ARAP2: variants seen among roughly 807,000 people sequenced by gnomAD.
ARAP2 encodes ArfGAP with RhoGAP domain, ankyrin repeat and PH domain 2, also known as arf-GAP with Rho-GAP domain, ANK repeat and PH domain-containing protein 2.
Under a neutral mutation model 194.5 loss-of-function variants are expected in ARAP2, and 148 were observed. That is an observed-to-expected ratio of 0.76 (90% confidence interval 0.67 to 0.87). The LOEUF (loss-of-function observed/expected upper bound fraction) is 0.87. ARAP2 is among the 40% of genes least tolerant of loss of function. ARAP2 has a pLI of 0.00. For missense variants in ARAP2, 2,128 were observed against 1,989.7 expected (o/e 1.07, Z -1.32); for synonymous variants, 695 against 683.5 (o/e 1.02, Z -0.26).
intron 19 of ARAP2, among the ~76,000 whole-genome samples, chr4:36,139,076 T>C (rs1422259336): frequency 6.8e-6 from 1 of 147,494 alleles, no homozygotes; most frequent in East Asian, 1.9e-4. Flanking sequence ...CAGACACGTG[T>C]ATTTTGAATA....
At chr4:36,222,166 T>C in intron 2 of ARAP2, among the ~76,000 whole-genome samples, 1 of 152,148 alleles carries the variant, frequency 6.6e-6, no homozygotes, top group Non-Finnish European at 1.5e-5. Context: ...GTTCTGAACC[T>C]GCTTTCCACA....
At chr4:36,016,379 G>A (rs182718696) in intron 6 of ARAP2, among the ~76,000 whole-genome samples, 2 of 152,238 alleles carry the variant, frequency 1.3e-5, no homozygotes, top group Admixed American at 1.3e-4. Context: ...TTTCCACTGT[G>A]TTTAACGTGT....
Position 36,210,582 on chromosome 4 carries a change from G to T in ARAP2, c.1295C>A (p.Ala432Glu). Residue 432 changes from alanine to glutamate, a missense_variant, in exon 6 of 33, where the codon GCA becomes GAA. Ala to Glu is a moderately radical substitution (Grantham distance 107). Transcript: ENST00000303965. Reference protein sequence around the residue: ...FQSLRRKNSKASKSRTQKALI... With the variant: ...FQSLRRKNSKESKSRTQKALI... ...GGCTTTTTGAGTCCTAGATTTAGAT[G>T]CCTTTGAATTTTTTCTTCTTAAACT... 6.2e-7 allele frequency: 1 copy of T among 1,613,856 alleles called. No homozygotes were observed. The highest frequency in any genetic ancestry group is 8.5e-7 in the Non-Finnish European group (1 of 1,179,870).
intron 20 of ARAP2, among the ~76,000 whole-genome samples, chr4:36,129,180 A>G (rs1322365603): frequency 6.6e-6 from 1 of 151,902 alleles, no homozygotes; most frequent in Non-Finnish European, 1.5e-5. Context: ...CTTATTTCCA[A>G]TGGAGAGTTG....
At chr4:36,214,006 T>C (rs1223055582) in intron 3 of ARAP2, among the ~76,000 whole-genome samples, 1 of 152,150 alleles carries the variant, frequency 6.6e-6, no homozygotes, top group Non-Finnish European at 1.5e-5. Context: ...ATCAGAATTT[T>C]CAAAATGAAA....
intron 19 of ARAP2, among the ~76,000 whole-genome samples, chr4:36,136,925 C>CGT (rs1243168566): frequency 0.012 from 390 of 33,518 alleles, 1 homozygote; most frequent in South Asian, 0.03. Context: ...CACATACACG[C>CGT]GCGCGCGCAC....
intron 2 of ARAP2, among the ~76,000 whole-genome samples, chr4:36,226,235 G>A (rs1750277748): frequency 6.6e-6 from 1 of 151,884 alleles, no homozygotes; most frequent in Non-Finnish European, 1.5e-5. Flanking sequence ...CAAAGACTCA[G>A]TCACAAATTG....
chr4:36,028,631 T>C (rs1718373584), intron 5 of ARAP2, among the ~76,000 whole-genome samples: 1 of 151,474 alleles, frequency 6.6e-6, no homozygotes. Context: ...AAAAAATCAG[T>C]CTATTGATTT....
intron 16 of ARAP2, among the ~76,000 whole-genome samples, chr4:36,150,597 G>A (rs750603002): frequency 2.0e-5 from 3 of 151,564 alleles, no homozygotes; most frequent in Non-Finnish European, 2.9e-5. Flanking sequence ...AGCCGAGATC[G>A]CCTACTGCAC....
At position 36,147,643 on chromosome 4, in the gene ARAP2, C is replaced by A; in HGVS notation, c.3104G>T (p.Gly1035Val). The A allele has an allele frequency of 1.2e-6, 2 of 1,613,518 alleles. No individual in the cohort carries two copies. Among genetic ancestry groups the A allele is most frequent in the Non-Finnish European group, 1.7e-6 (2 of 1,179,680 alleles). Residue 1035 changes from glycine (G) to valine (V), a missense_variant, in exon 18 of 33, where the codon GGC becomes GTC. Gly to Val is a moderately radical substitution (Grantham distance 109). Transcript: ENST00000303965. ...DCHALDQWRK[G>V]WFAMDKSSLH... ...GCTGGATTTGTCCATAGCAAACCAG[C>A]CTTTTCTCCACTGATCCAGGGCATG...
rs1205591623 is a variant in ARAP2 at position 36,121,178 on chromosome 4, C to A, written c.3894+1G>T. The A allele has an allele frequency of 3.2e-6, 5 of 1,580,842 alleles. No homozygotes were observed. The highest frequency in any genetic ancestry group is 4.3e-6 in the Non-Finnish European group (5 of 1,160,600). On this transcript the variant is annotated splice_donor_variant, in intron 23 of 32. Coordinates refer to ENST00000303965, the MANE Select transcript of ARAP2 (RefSeq NM_015230.4). LOFTEE classifies it high-confidence loss of function. ...ACAAGGGCAGGATACAAAATAATTA[C>A]CTCAAATATTTCTACATAATTATTA...
At chr4:36,135,007 AT>A (rs1726337262) in intron 19 of ARAP2, among the ~76,000 whole-genome samples, 1 of 151,756 alleles carries the variant, frequency 6.6e-6, no homozygotes, top group South Asian at 2.1e-4. Flanking sequence ...CAAAGAAAGT[AT>A]TTCAGTATCT....
In ARAP2 at chr4:36,182,230, C is replaced by G. The variant is rs369669309; in HGVS notation, c.1679-4225G>C. Among the ~76,000 whole-genome samples the G allele has an allele frequency of 4.6e-5, 7 of 152,150 alleles. No homozygotes were observed. The East Asian group carries it at 1.3e-3, about 29-fold the overall frequency. On this transcript the variant is annotated intron_variant, in intron 8 of 32. Coordinates refer to ENST00000303965, the MANE Select transcript of ARAP2 (RefSeq NM_015230.4). ...GAAACTGGCCGGGCATGGTGGCTCACGCCTGTAATCCCAGCACTTTGGTAG... is the reference window on the plus strand; with the variant it reads ...GAAACTGGCCGGGCATGGTGGCTCAGGCCTGTAATCCCAGCACTTTGGTAG...
intron 19 of ARAP2, among the ~76,000 whole-genome samples, chr4:36,137,401 A>G (rs1397161907): frequency 6.6e-6 from 1 of 151,896 alleles, no homozygotes; most frequent in Non-Finnish European, 1.5e-5. Context: ...ATAATCGCAC[A>G]TATGTATAAA....
intron 1 of ARAP2, among the ~76,000 whole-genome samples, chr4:36,058,537 G>T (rs1378453162): frequency 6.6e-6 from 1 of 152,144 alleles, no homozygotes; most frequent in South Asian, 2.1e-4. Flanking sequence ...TACTTCTTCA[G>T]AATCTGGCCA....
chr4:36,056,398 C>T (rs891878994), intron 2 of ARAP2, among the ~76,000 whole-genome samples: 4 of 152,172 alleles, frequency 2.6e-5, no homozygotes, highest in African/African-American at 9.7e-5. Flanking sequence ...ATGACCACTC[C>T]TTTACAAGCA....
intron 4 of ARAP2, among the ~76,000 whole-genome samples, chr4:36,046,438 T>C (rs1318448604): frequency 6.6e-6 from 1 of 152,074 alleles, no homozygotes; most frequent in Non-Finnish European, 1.5e-5. Context: ...ATCCTCCCAC[T>C]TCAGTCTCCC....
At chr4:36,071,599 C>T (rs1237686857) in intron 32 of ARAP2, among the ~76,000 whole-genome samples, 1 of 151,948 alleles carries the variant, frequency 6.6e-6, no homozygotes, top group Non-Finnish European at 1.5e-5. Context: ...CTGCCAACAA[C>T]TTCTTTGAAA....
At chr4:36,217,723 G>C (rs1036862407) in intron 2 of ARAP2, among the ~76,000 whole-genome samples, 1 of 151,122 alleles carries the variant, frequency 6.6e-6, no homozygotes, top group Non-Finnish European at 1.5e-5. Context: ...CAAAAGATTT[G>C]CAAGAACTGA....
Sources: gnomAD v4.1 joint callset for allele counts (sites outside exome capture counted in the v4.1 genomes callset) on GRCh38, gnomAD v4.1.1 for gene constraint, MANE v1.5 for transcripts, NCBI Gene and HGNC (gene_info 2026-07-23, HGNC 2026-07-21) for gene names.